ATG7: variants seen among roughly 807,000 people sequenced by gnomAD.
ATG7 encodes ubiquitin-like modifier-activating enzyme ATG7.
In ATG7, 70 loss-of-function variants were observed where a neutral mutation model predicts 82.4. That is an observed-to-expected ratio of 0.85 (90% CI 0.70 to 1.04). The LOEUF (loss-of-function observed/expected upper bound fraction) is 1.04. Ranked by LOEUF, ATG7 falls within the 50% of genes least tolerant of loss-of-function variation. The pLI, the probability that ATG7 is intolerant of heterozygous loss-of-function variation, is 0.00. For synonymous variants in ATG7, 287 were observed against 313.0 expected (o/e 0.92, Z 0.88); for missense variants, 792 against 864.3 (o/e 0.92, Z 1.05).
At chr3:11,543,136 G>T (rs2070973149) in intron 20 of ATG7, among the ~76,000 whole-genome samples, 1 of 152,206 alleles carries the variant, frequency 6.6e-6, no homozygotes, top group Admixed American at 6.5e-5. Flanking sequence ...CATGAAACCT[G>T]TCGTTTTCTC....
At position 11,313,419 on chromosome 3, in the gene ATG7, A is replaced by G. The variant is rs2152721874; in HGVS notation, c.527A>G (p.Gln176Arg). ...TTGGATCAAAGGTTTTCACTAAAAC[A>G]GGTATCAACAAATAACCAAAATGCA... is the stretch of plus-strand genomic sequence containing the variant. ...VGLDQRFSLK[Q>R]IEALECAYDN... Residue 176 changes from glutamine to arginine, a missense_variant and splice_region_variant, in exon 8 of 21, where the codon CAG becomes CGG. Coordinates refer to ENST00000693202, the MANE Select transcript of ATG7 (RefSeq NM_001349232.2). 1.9e-6 allele frequency: 3 copies of G among 1,596,226 alleles called. No homozygotes were observed. The highest frequency in any genetic ancestry group is 2.2e-5 in the East Asian group (1 of 44,620).
At position 11,542,861 on chromosome 3, in the gene ATG7, CTG is replaced by C. The variant is rs1186009374; in HGVS notation, c.2080-11949_2080-11948del. Among the ~76,000 whole-genome samples the C allele has an allele frequency of 4.0e-5, 6 of 151,702 alleles. No individual in the cohort carries two copies. In the East Asian group the frequency reaches 1.2e-3, roughly 30 times the overall value. ...GTAGCTCGGAGGTGCTGACCTTCCT[CTG>C]GGTCTAGGTTCTGAGGCATGAGACT... On this transcript the variant is annotated intron_variant, in intron 20 of 20. Transcript: ENST00000693202.
intron 20 of ATG7, chr3:11,446,575 A>C (rs938288035): frequency 2.4e-6 from 1 of 410,966 alleles, no homozygotes; most frequent in African/African-American, 2.1e-5. Context: ...CAGTGTTAAA[A>C]TGTCATAAAT....
At chr3:11,524,192 G>C (rs183932091) in intron 20 of ATG7, among the ~76,000 whole-genome samples, 15 of 152,248 alleles carry the variant, frequency 9.9e-5, no homozygotes, top group Admixed American at 9.8e-4. Flanking sequence ...TACCTGGCAG[G>C]CTCCCCTTCA....
At chr3:11,459,049 C>T (rs1471078451) in intron 20 of ATG7, among the ~76,000 whole-genome samples, 1 of 152,030 alleles carries the variant, frequency 6.6e-6, no homozygotes, top group South Asian at 2.1e-4. Context: ...AATTGTCTTC[C>T]TCAAGACTGG....
intron 15 of ATG7, among the ~76,000 whole-genome samples, chr3:11,359,556 T>G (rs1313932974): frequency 1.3e-5 from 2 of 151,674 alleles, no homozygotes; most frequent in Non-Finnish European, 2.9e-5. Flanking sequence ...ATTAGCTAGG[T>G]GTGGTGATGC....
chr3:11,308,862 G>T (rs1948184234), intron 6 of ATG7, 122 bp from the exon 7 acceptor site: 2 of 857,926 alleles, frequency 2.3e-6, no homozygotes, highest in South Asian at 2.9e-5. Flanking sequence ...ATTGTTTGGG[G>T]TAAGTGGTGC....
chr3:11,432,508 G>C (rs996957158), intron 20 of ATG7, among the ~76,000 whole-genome samples: 13 of 152,058 alleles, frequency 8.5e-5, no homozygotes, highest in African/African-American at 3.1e-4. Flanking sequence ...AGAAGCTTGG[G>C]AGGGGGGGTA....
At chr3:11,294,484 A>C (rs1945527890) in intron 3 of ATG7, among the ~76,000 whole-genome samples, 1 of 152,060 alleles carries the variant, frequency 6.6e-6, no homozygotes, top group Non-Finnish European at 1.5e-5. Flanking sequence ...TGGCCTCCCA[A>C]AGTACTAGGA....
chr3:11,482,935 G>GC (rs917602984), intron 20 of ATG7, among the ~76,000 whole-genome samples: 41 of 151,572 alleles, frequency 2.7e-4, no homozygotes, highest in South Asian at 2.1e-4. Context: ...GACTTGAGAA[G>GC]CCCCCCCTTG....
At chr3:11,565,314 C>T in the ATG7 span, among the ~76,000 whole-genome samples, 2 of 152,152 alleles carry the variant, frequency 1.3e-5, no homozygotes, top group Non-Finnish European at 2.9e-5. This position sits in a 1 kb window ranked among gnomAD's most constrained non-coding sequence, Gnocchi z 4.1. Context: ...ATAATCTCCA[C>T]TCCCTGGGAG....
chr3:11,467,884 A>AT (rs1293747069), intron 20 of ATG7, among the ~76,000 whole-genome samples: 1 of 152,138 alleles, frequency 6.6e-6, no homozygotes, highest in Non-Finnish European at 1.5e-5. Context: ...TTACCTTTGA[A>AT]TTTTTTTGCC....
Position 11,433,315 on chromosome 3 carries a change from A to AT in ATG7, c.2079+6389_2079+6390insT, listed in dbSNP as rs869061049. On this transcript the variant is annotated intron_variant, in intron 20 of 20. Transcript: ENST00000693202. ...AAAAAAAAAAAAAAAAAAAAAAAAA[A>AT]GCTGCGTTTGTTGAAGAAATGCTCA... Among the ~76,000 whole-genome samples the AT allele has an allele frequency of 8.7e-5, 12 of 137,994 alleles. No individual in the cohort carries two copies. In the East Asian group the frequency reaches 2.6e-3, roughly 30 times the overall value. 90.5% of individuals were successfully genotyped at this position (137,994 alleles called of 152,430 possible). A position where few individuals can be genotyped will look rare whatever the true frequency, so the allele number is the denominator to read the frequency against.
At chr3:11,437,290 A>G (rs2083453073) in intron 20 of ATG7, among the ~76,000 whole-genome samples, 1 of 152,162 alleles carries the variant, frequency 6.6e-6, no homozygotes, top group South Asian at 2.1e-4. Context: ...TCAAAGCCTT[A>G]GTCTCTGTGC....
chr3:11,295,759 ATTTC>A (rs1297806067), intron 3 of ATG7, among the ~76,000 whole-genome samples: 3 of 144,068 alleles, frequency 2.1e-5, no homozygotes, highest in Non-Finnish European at 4.5e-5. Flanking sequence ...TACTGGTTCT[ATTTC>A]TTTCTTTCTT....
intron 3 of ATG7, among the ~76,000 whole-genome samples, chr3:11,294,402 T>C (rs1211462458): frequency 2.0e-5 from 3 of 151,940 alleles, no homozygotes; most frequent in Non-Finnish European, 4.4e-5. Context: ...TTTTTATTTT[T>C]AGTAGAGATG....
At chr3:11,330,469 G>A (rs1228651172) in intron 9 of ATG7, among the ~76,000 whole-genome samples, 1 of 152,132 alleles carries the variant, frequency 6.6e-6, no homozygotes, top group African/African-American at 2.4e-5. Flanking sequence ...AACTCTTACA[G>A]TTGGTGCCTG....
At chr3:11,345,250 CA>C (rs1223534903) in intron 13 of ATG7, among the ~76,000 whole-genome samples, 2 of 150,586 alleles carry the variant, frequency 1.3e-5, no homozygotes, top group Admixed American at 6.6e-5. Context: ...ACTAAAAATA[CA>C]AAAAAAAATT....
intron 20 of ATG7, among the ~76,000 whole-genome samples, chr3:11,463,517 G>A (rs527262268): frequency 2.6e-5 from 4 of 152,170 alleles, no homozygotes; most frequent in East Asian, 3.9e-4. Flanking sequence ...AGCCCTTCCC[G>A]CATTTAGACT....
Sources: allele counts gnomAD v4.1 joint callset (sites outside exome capture counted in the v4.1 genomes callset), GRCh38; gene constraint gnomAD v4.1.1; non-coding constraint Gnocchi (gnomAD v3.1); transcripts MANE v1.5; gene names NCBI Gene and HGNC (gene_info 2026-07-23, HGNC 2026-07-21).